Variants in CACHD1 observed in about 807,000 individuals in gnomAD.
The protein encoded by CACHD1 is cache domain containing 1.
Under a neutral mutation model 138.7 loss-of-function variants are expected in CACHD1, and 71 were observed. That is an observed-to-expected ratio of 0.51 (90% confidence interval 0.42 to 0.62). CACHD1 has a LOEUF of 0.62. Among genes scored for constraint, CACHD1 ranks in the 20% least tolerant of loss-of-function variants. The pLI, the probability that CACHD1 is intolerant of heterozygous loss-of-function variation, is 0.00. For missense variants in CACHD1, 1,389 were observed against 1,625.3 expected (o/e 0.85, Z 2.50); for synonymous variants, 578 against 591.5 (o/e 0.98, Z 0.33).
intron 1 of CACHD1, among the ~76,000 whole-genome samples, chr1:64,501,802 T>A (rs1646341979): frequency 6.6e-6 from 1 of 152,212 alleles, no homozygotes; most frequent in South Asian, 2.1e-4. Context: ...AATCATCAGC[T>A]CCATCTCACT....
chr1:64,480,476 T>G (rs1570292492), intron 1 of CACHD1, among the ~76,000 whole-genome samples: 1 of 152,194 alleles, frequency 6.6e-6, no homozygotes, highest in Non-Finnish European at 1.5e-5. Flanking sequence ...TTAATGGCTG[T>G]AAACTTAAAG....
chr1:64,674,691 G>T (rs114604865), intron 19 of CACHD1, among the ~76,000 whole-genome samples: 1 of 152,144 alleles, frequency 6.6e-6, no homozygotes. Context: ...AGGGTGAATG[G>T]CATGAAACAA....
rs675735 is a variant in CACHD1 at position 64,470,292 on chromosome 1, T to C, written c.-453T>C. Among the ~76,000 whole-genome samples, 19,479 of 151,718 alleles carry C rather than the reference T, an allele frequency of 0.13. 1,662 individuals carry two copies. The highest frequency in any genetic ancestry group is 0.24 in the African/African-American group (9,910 of 41,446). On this transcript the variant is annotated 5_prime_UTR_variant, in exon 1 of 27. Coordinates refer to ENST00000651257, the MANE Select transcript of CACHD1 (RefSeq NM_020925.4). The surrounding 1 kb of genome is among the most constrained non-coding windows in gnomAD (Gnocchi z 5.2). The stretch of plus-strand genomic sequence containing the variant: ...TCTCGCAGCCCGGCCGCCGCTCCTC[T>C]TCCCCGGGGGCCGCCGTCAGTCCTC...
intron 2 of CACHD1, among the ~76,000 whole-genome samples, chr1:64,581,239 A>G (rs1647010241): frequency 6.6e-6 from 1 of 152,212 alleles, no homozygotes; most frequent in Non-Finnish European, 1.5e-5. Context: ...CCATGTTCTC[A>G]GCCTGGAAGC....
At chr1:64,546,681 T>C (rs1646720679) in intron 1 of CACHD1, among the ~76,000 whole-genome samples, 1 of 152,174 alleles carries the variant, frequency 6.6e-6, no homozygotes, top group Non-Finnish European at 1.5e-5. Context: ...CCATTTCCAT[T>C]TTCCAAGTCC....
intron 1 of CACHD1, among the ~76,000 whole-genome samples, chr1:64,528,911 G>A (rs1646560744): frequency 6.6e-6 from 1 of 151,954 alleles, no homozygotes; most frequent in Non-Finnish European, 1.5e-5. Flanking sequence ...TTAAATGCAA[G>A]ACTCTTGAAT....
At chr1:64,606,920 A>G (rs1291342823) in intron 4 of CACHD1, among the ~76,000 whole-genome samples, 1 of 152,126 alleles carries the variant, frequency 6.6e-6, no homozygotes, top group Non-Finnish European at 1.5e-5. Context: ...ATTTATTGTG[A>G]TGGGGAATGC....
At chr1:64,622,493 A>T (rs1052746915) in intron 4 of CACHD1, among the ~76,000 whole-genome samples, 2 of 152,212 alleles carry the variant, frequency 1.3e-5, no homozygotes, top group Non-Finnish European at 2.9e-5. Context: ...GCTTAATTGT[A>T]CTTATTTACA....
chr1:64,654,974 A>G (rs1004707671), intron 12 of CACHD1, among the ~76,000 whole-genome samples, 171 bp downstream of exon 12: 4 of 152,172 alleles, frequency 2.6e-5, no homozygotes, highest in African/African-American at 9.7e-5. Flanking sequence ...GTGTTGTATA[A>G]TTATTTTTCC....
chr1:64,632,287 A>G (rs1648337399), intron 5 of CACHD1, among the ~76,000 whole-genome samples: 1 of 151,388 alleles, frequency 6.6e-6, no homozygotes, highest in South Asian at 2.1e-4. Context: ...AAGAGAGAAA[A>G]GCAGGATGTT....
At chr1:64,527,015 G>A (rs188498615) in intron 1 of CACHD1, among the ~76,000 whole-genome samples, 178 of 152,320 alleles carry the variant, frequency 1.2e-3, no homozygotes, top group African/African-American at 4.1e-3. Context: ...CGAGCAGTTC[G>A]GAGTCAGTAG....
At chr1:64,518,172 T>A (rs1646472466) in intron 1 of CACHD1, among the ~76,000 whole-genome samples, 1 of 152,214 alleles carries the variant, frequency 6.6e-6, no homozygotes, top group Admixed American at 6.5e-5. Context: ...TGTAGTAATT[T>A]GTCAGCTCAT....
At chr1:64,478,900 CTT>C (rs1327146454) in intron 1 of CACHD1, among the ~76,000 whole-genome samples, 1 of 150,990 alleles carries the variant, frequency 6.6e-6, no homozygotes, top group Admixed American at 6.6e-5. Flanking sequence ...TGTCACATGA[CTT>C]TGTTTTTTAT....
chr1:64,615,177 C>A (rs1335101957), intron 4 of CACHD1, among the ~76,000 whole-genome samples: 3 of 152,178 alleles, frequency 2.0e-5, no homozygotes, highest in South Asian at 4.1e-4. Context: ...ATTGCTTATT[C>A]CTAAGGATCC....
intron 1 of CACHD1, among the ~76,000 whole-genome samples, chr1:64,545,047 G>C (rs572721570): frequency 6.6e-6 from 1 of 152,148 alleles, no homozygotes; most frequent in African/African-American, 2.4e-5. Context: ...CTGGATTATG[G>C]ATTGGGGTTT....
At chr1:64,580,688 A>G (rs1287335479) in intron 2 of CACHD1, among the ~76,000 whole-genome samples, 1 of 152,210 alleles carries the variant, frequency 6.6e-6, no homozygotes, top group Non-Finnish European at 1.5e-5. Context: ...CATCTGGGCC[A>G]TTAGTGGCAT....
At chr1:64,554,241 C>T (rs551291276) in intron 2 of CACHD1, among the ~76,000 whole-genome samples, 2 of 152,306 alleles carry the variant, frequency 1.3e-5, no homozygotes, top group South Asian at 2.1e-4. Context: ...TTCATACCTC[C>T]GTACATAGTA....
intron 4 of CACHD1, among the ~76,000 whole-genome samples, chr1:64,626,990 G>A (rs1158444): frequency 0.99 from 150,180 of 152,102 alleles, 74,168 homozygotes; most frequent in East Asian, 1. Context: ...TTCCCTGCCT[G>A]TGGTAGGCCA....
At chr1:64,524,015 T>G (rs1646518151) in intron 1 of CACHD1, among the ~76,000 whole-genome samples, 1 of 144,858 alleles carries the variant, frequency 6.9e-6, no homozygotes, top group Non-Finnish European at 1.5e-5. Flanking sequence ...AATGTTAAAT[T>G]GAAAAATCTG....
Sources: gnomAD v4.1 joint callset for allele counts (sites outside exome capture counted in the v4.1 genomes callset) on GRCh38, gnomAD v4.1.1 for gene constraint, Gnocchi (gnomAD v3.1) non-coding constraint, MANE v1.5 for transcripts, NCBI Gene and HGNC (gene_info 2026-07-23, HGNC 2026-07-21) for gene names.